DHDH: variants seen among roughly 807,000 people sequenced by gnomAD.
DHDH encodes dihydrodiol dehydrogenase, also known as trans-1,2-dihydrobenzene-1,2-diol dehydrogenase.
DHDH carries 29 observed loss-of-function variants against 33.2 expected under a neutral mutation model. The ratio of observed to expected loss-of-function variants is 0.87; its 90% CI spans 0.65 to 1.19. DHDH has a LOEUF of 1.19. DHDH is among the 50% of genes most tolerant of loss of function. The pLI is 0.00. For synonymous variants in DHDH, 201 were observed against 187.9 expected, an observed-to-expected ratio of 1.07 and a Z score of -0.57; for missense variants, 431 against 455.0, an observed-to-expected ratio of 0.95 and a Z score of 0.48.
At chr19:48,936,316 T>G in intron 3 of DHDH, 121 bp downstream of exon 3, 1 of 1,303,934 alleles carries the variant, frequency 7.7e-7, no homozygotes, top group Non-Finnish European at 1.0e-6. Flanking sequence ...CTTGGCAGCA[T>G]CTATTACCGT....
chr19:48,935,188 AG>A (rs759314232), intron 2 of DHDH, 77 bp downstream of exon 2: 178 of 1,147,684 alleles, frequency 1.6e-4, no homozygotes, highest in Non-Finnish European at 2.1e-4. Flanking sequence ...GGGAGATGCA[AG>A]GCTCCTCAGG....
chr19:48,941,985 CGTGTGT>C (rs60467743), intron 4 of DHDH, among the ~76,000 whole-genome samples: 12,052 of 132,076 alleles, frequency 0.091, 647 homozygotes, highest in Non-Finnish European at 0.13. Context: ...GACTGTACTT[CGTGTGT>C]GTGTGTGTGT....
rs753312249 is a variant in DHDH at position 48,933,719 on chromosome 19, A to G, written c.-3A>G. 2 of 1,613,278 alleles carry G rather than the reference A, an allele frequency of 1.2e-6. No homozygotes were observed. Among genetic ancestry groups the G allele is most frequent in the South Asian group, 2.2e-5 (2 of 91,072 alleles). ...AAGGTGCCGAGGGCTCCGCATCGCA[A>G]CCATGGCGCTGCGCTGGGGCATCGT... On this transcript the variant is annotated 5_prime_UTR_variant, in exon 1 of 7. Transcript: ENST00000221403.
chr19:48,941,985 C>CATGTGTGTGT (rs978940043), intron 4 of DHDH, among the ~76,000 whole-genome samples: 36 of 132,148 alleles, frequency 2.7e-4, no homozygotes, highest in African/African-American at 1.0e-3. Flanking sequence ...GACTGTACTT[C>CATGTGTGTGT]GTGTGTGTGT....
rs201221430 is a variant in DHDH at position 48,936,096 on chromosome 19, G to A, written c.267G>A (p.Ala89=). ...CGGCGGTGATGCTGTGCTTGGCGGC[G>A]GGCAAGGCCGTTCTGTGCGAGAAGC... is the stretch of plus-strand genomic sequence containing the variant. The part of the protein sequence containing the change: ...HKAAVMLCLA[A]GKAVLCEKPT... Residue 89 remains alanine (A), a synonymous_variant, in exon 3 of 7, where the codon GCG becomes GCA. Coordinates refer to ENST00000221403, the MANE Select transcript of DHDH (RefSeq NM_014475.4). The A allele has an allele frequency of 4.5e-5, 73 of 1,611,194 alleles. 1 individual carries two copies. The Middle Eastern group carries it at 3.2e-3, about 70-fold the overall frequency.
intron 3 of DHDH, among the ~76,000 whole-genome samples, 171 bp from the exon 4 acceptor site, chr19:48,939,278 C>CA (rs199651046): frequency 0.017 from 2,427 of 145,572 alleles, 48 homozygotes; most frequent in Non-Finnish European, 0.024. Context: ...TATCTCTATT[C>CA]AAAAAAAAAA....
intron 3 of DHDH, among the ~76,000 whole-genome samples, chr19:48,938,666 T>C (rs1455603313): frequency 4.0e-5 from 6 of 148,504 alleles, no homozygotes; most frequent in Non-Finnish European, 7.5e-5. Flanking sequence ...TTTTTTTGAG[T>C]TGGAGTCTCG....
At chr19:48,944,543 G>C in intron 6 of DHDH, 36 bp downstream of exon 6, 1 of 1,556,596 alleles carries the variant, frequency 6.4e-7, no homozygotes, top group Non-Finnish European at 8.7e-7. Context: ...GCCAGGCCTG[G>C]TAGGGGGATG....
chr19:48,934,812 T>C (rs913132139), intron 1 of DHDH, among the ~76,000 whole-genome samples, 188 bp from the exon 2 acceptor site: 4 of 152,122 alleles, frequency 2.6e-5, no homozygotes, highest in African/African-American at 9.7e-5. Context: ...AATTTCAATA[T>C]TGGGGGATTT....
rs1412903569 is a variant in DHDH at position 48,935,961 on chromosome 19, C to T, written c.203-71C>T. 8 of 1,542,442 alleles carry T rather than the reference C, an allele frequency of 5.2e-6. No homozygotes were observed. The Admixed American group carries it at 5.9e-5, about 11-fold the overall frequency. ...GTCCCTGGGTGCTAGGGCGGGGCCT[C>T]GAAGTTGTGGGCGGAGCTCGGCTGT... On this transcript the variant is annotated intron_variant, in intron 2 of 6. Transcript: ENST00000221403.
In DHDH at chr19:48,933,711, G is replaced by T. The variant is rs763244130; in HGVS notation, c.-11G>T. 2.5e-6 allele frequency: 4 copies of T among 1,612,916 alleles called. No individual in the cohort carries two copies. The highest frequency in any genetic ancestry group is 3.3e-5 in the Admixed American group (2 of 60,004). On this transcript the variant is annotated 5_prime_UTR_variant, in exon 1 of 7. Coordinates refer to ENST00000221403, the MANE Select transcript of DHDH (RefSeq NM_014475.4). ...AGGGACCGAAGGTGCCGAGGGCTCC[G>T]CATCGCAACCATGGCGCTGCGCTGG... is the stretch of plus-strand genomic sequence containing the variant.
intron 4 of DHDH, among the ~76,000 whole-genome samples, chr19:48,940,329 T>C (rs1454424782): frequency 1.3e-5 from 2 of 149,966 alleles, no homozygotes; most frequent in Non-Finnish European, 3.0e-5. Context: ...TACTCTAGCC[T>C]GGGCGACAGA....
In DHDH at chr19:48,937,019, A is replaced by G. The variant is rs1600083974; in HGVS notation, c.366+824A>G. On this transcript the variant is annotated intron_variant, in intron 3 of 6. Coordinates refer to ENST00000221403, the MANE Select transcript of DHDH (RefSeq NM_014475.4). ...GGCTGGTCTCAAACTCATGACTGCA[A>G]GTGATCCTCCTGCCGCGGCCTCCCA... Among the ~76,000 whole-genome samples the G allele has an allele frequency of 2.6e-5, 4 of 151,998 alleles. No individual in the cohort carries two copies. The East Asian group carries it at 8.0e-4, about 30-fold the overall frequency.
intron 3 of DHDH, among the ~76,000 whole-genome samples, chr19:48,936,672 G>A (rs963258423): frequency 2.0e-5 from 3 of 150,062 alleles, no homozygotes; most frequent in Non-Finnish European, 4.4e-5. Flanking sequence ...CTCCAGCCTG[G>A]GCAACACAGT....
intron 3 of DHDH, among the ~76,000 whole-genome samples, chr19:48,938,372 C>T (rs2037809662): frequency 6.6e-6 from 1 of 152,122 alleles, no homozygotes; most frequent in South Asian, 2.1e-4. Context: ...GCTGGGGTTA[C>T]AGGCATGAGC....
chr19:48,936,711 C>CA (rs201495339), intron 3 of DHDH, among the ~76,000 whole-genome samples: 5,101 of 87,390 alleles, frequency 0.058, 208 homozygotes, highest in African/African-American at 0.12. Flanking sequence ...AGAAAAAAAA[C>CA]AAACAAAAAA....
At chr19:48,935,973 C>T (rs2037767062) in intron 2 of DHDH, 59 bp from the exon 3 acceptor site, 4 of 1,548,004 alleles carry the variant, frequency 2.6e-6, no homozygotes, top group East Asian at 2.4e-5. Context: ...AAGTTGTGGG[C>T]GGAGCTCGGC....
chr19:48,940,568 T>G (rs1222460113), intron 4 of DHDH, among the ~76,000 whole-genome samples: 1 of 150,170 alleles, frequency 6.7e-6, no homozygotes, highest in Admixed American at 6.6e-5. Flanking sequence ...ACTTAGTGAC[T>G]TCAGGCTGGG....
In DHDH at chr19:48,936,205, GA is replaced by G. The variant is rs2037773330; in HGVS notation, c.366+11del. The G allele has an allele frequency of 5.1e-6, 8 of 1,571,310 alleles. No individual in the cohort carries two copies. In the South Asian group the frequency reaches 9.2e-5, roughly 18 times the overall value. On this transcript the variant is annotated intron_variant, in intron 3 of 6. Transcript: ENST00000221403. ...CCTCTTCCTTATGGAGGTGAGGGCAGAGGAGCCCTTCCAATATCCAGCGTAA... is the reference window on the plus strand; with the variant it reads ...CCTCTTCCTTATGGAGGTGAGGGCAGGGAGCCCTTCCAATATCCAGCGTAA...
Sources: allele counts gnomAD v4.1 joint callset (sites outside exome capture counted in the v4.1 genomes callset), GRCh38; gene constraint gnomAD v4.1.1; transcripts MANE v1.5; gene names NCBI Gene and HGNC (gene_info 2026-07-23, HGNC 2026-07-21).